MDN1: variants seen among roughly 807,000 people sequenced by gnomAD.
The protein encoded by MDN1 is midasin AAA ATPase 1, also known as midasin.
MDN1 carries 266 observed loss-of-function variants against 669.2 expected under a neutral mutation model. That is an observed-to-expected ratio of 0.40 (90% CI 0.36 to 0.44). MDN1 has a LOEUF of 0.44. MDN1 is among the 20% of genes least tolerant of loss of function. The probability of loss-of-function intolerance (pLI) is 1.00; values close to 1 mark genes in which losing one functional copy is unlikely to be tolerated. For missense variants in MDN1, 5,940 were observed against 6,754.0 expected (o/e 0.88, Z 4.22); for synonymous variants, 2,385 against 2,457.1 (o/e 0.97, Z 0.87).
At chr6:89,764,996 C>T (rs947374933) in intron 15 of MDN1, among the ~76,000 whole-genome samples, 5 of 152,172 alleles carry the variant, frequency 3.3e-5, no homozygotes, top group African/African-American at 9.7e-5. Flanking sequence ...CGGTGGCTCA[C>T]GCGGTGGCCC....
intron 59 of MDN1, among the ~76,000 whole-genome samples, chr6:89,697,057 AGGGATCC>A (rs1233034677): frequency 1.3e-5 from 2 of 152,226 alleles, no homozygotes; most frequent in African/African-American, 4.8e-5. Context: ...TACAACCCTC[AGGGATCC>A]AAAGTTTATC....
At chr6:89,796,324 CAAA>C (rs35169575) in intron 2 of MDN1, among the ~76,000 whole-genome samples, 1 of 45,376 alleles carries the variant, frequency 2.2e-5, no homozygotes, top group African/African-American at 1.5e-4. Context: ...AACTCTGTCT[CAAA>C]AAAAAAAAAA....
At chr6:89,764,106 C>G (rs1817688244) in intron 15 of MDN1, among the ~76,000 whole-genome samples, 1 of 152,162 alleles carries the variant, frequency 6.6e-6, no homozygotes, top group Admixed American at 6.5e-5. Flanking sequence ...GTCTCAGCTA[C>G]TTGGGAGGCT....
At chr6:89,806,778 T>C (rs1768054252) in intron 1 of MDN1, among the ~76,000 whole-genome samples, 1 of 151,750 alleles carries the variant, frequency 6.6e-6, no homozygotes, top group Admixed American at 6.6e-5. Flanking sequence ...TTTAATTAGC[T>C]GGTGACGGTG....
At position 89,652,183 on chromosome 6, in the gene MDN1, G is replaced by C. The variant is rs765953042; in HGVS notation, c.15915+9C>G. On this transcript the variant is annotated intron_variant, in intron 95 of 101. Coordinates refer to ENST00000369393, the MANE Select transcript of MDN1 (RefSeq NM_014611.3). The stretch of plus-strand genomic sequence containing the variant: ...TATTTTATGAAAAAAACAGTGAGCA[G>C]TGACTTACCTCCTCTGGGTTTCCAG... 5.6e-6 allele frequency: 9 copies of C among 1,610,284 alleles called. No individual in the cohort carries two copies. In the East Asian group the frequency reaches 1.6e-4, roughly 28 times the overall value.
At chr6:89,728,370 T>A (rs947944353) in intron 36 of MDN1, among the ~76,000 whole-genome samples, 10 of 152,228 alleles carry the variant, frequency 6.6e-5, no homozygotes, top group African/African-American at 2.4e-4. Context: ...AAAAATTAAC[T>A]GGGGTTATAT....
At chr6:89,771,525 C>T (rs544353598) in intron 15 of MDN1, 36 bp downstream of exon 15, 1 of 1,565,030 alleles carries the variant, frequency 6.4e-7, no homozygotes, top group East Asian at 2.2e-5. Context: ...AAGCAATAAA[C>T]ACAAAAATAA....
At position 89,775,677 on chromosome 6, in the gene MDN1, T is replaced by G. The variant is rs116862278; in HGVS notation, c.1821+923A>C. 6.1e-3 allele frequency among the ~76,000 whole-genome samples: 932 copies of G among 152,250 alleles called. 3 individuals are homozygous for G. The highest frequency in any genetic ancestry group is 6.6e-3 in the Non-Finnish European group (451 of 68,012). On this transcript the variant is annotated intron_variant, in intron 12 of 101. Transcript: ENST00000369393. ...TGCTACTACTCTTTGCAACTTTTTT[T>G]TTTGTTTGTTTGGTTGGTTTTTATC...
At position 89,700,212 on chromosome 6, in the gene MDN1, A is replaced by G. The variant is rs1190286452; in HGVS notation, c.8721T>C (p.His2907=). Residue 2907 remains histidine (H), a synonymous_variant, in exon 57 of 102, where the codon CAT becomes CAC. Transcript: ENST00000369393. ...GLSLGFLEKK[H]DEASSLSHPD... ...GATGGGACAGGGAGGAAGCTTCATC[A>G]TGCTTTTTCTCCAGAAAACCAAGTG... 3 of 1,614,112 alleles carry G rather than the reference A, an allele frequency of 1.9e-6. No homozygotes were observed. Among genetic ancestry groups the G allele is most frequent in the Middle Eastern group, 1.6e-4 (1 of 6,084 alleles).
At chr6:89,674,718 C>T (rs1378189779) in intron 78 of MDN1, 129 bp from the exon 79 acceptor site, 1 of 1,284,186 alleles carries the variant, frequency 7.8e-7, no homozygotes, top group African/African-American at 1.5e-5. Flanking sequence ...AGGAAGAATC[C>T]CCCAGATAGG....
intron 33 of MDN1, among the ~76,000 whole-genome samples, chr6:89,736,074 T>C (rs184127134): frequency 6.6e-6 from 1 of 152,366 alleles, no homozygotes; most frequent in Admixed American, 6.5e-5. Flanking sequence ...TCTAGTTTCC[T>C]GTTTTATATT....
In MDN1 at chr6:89,796,490, TA is replaced by T. The variant is rs370907139; in HGVS notation, c.330-1690del. 2.3e-3 allele frequency among the ~76,000 whole-genome samples: 347 copies of T among 152,212 alleles called. 1 individual carries two copies. Among genetic ancestry groups the T allele is most frequent in the African/African-American group, 8.1e-3 (335 of 41,526 alleles). On this transcript the variant is annotated intron_variant, in intron 2 of 101. Coordinates refer to ENST00000369393, the MANE Select transcript of MDN1 (RefSeq NM_014611.3). Reference sequence around the variant, plus strand: ...AGCCCAGACTGCACTAGAGAAAAGCTAGATGATTACACTAGGGAATTCTACC... The same window carrying T: ...AGCCCAGACTGCACTAGAGAAAAGCTGATGATTACACTAGGGAATTCTACC...
chr6:89,800,705 C>T (rs1158878889), intron 2 of MDN1, among the ~76,000 whole-genome samples: 1 of 152,056 alleles, frequency 6.6e-6, no homozygotes, highest in Non-Finnish European at 1.5e-5. Context: ...TCAAGGAAGT[C>T]TCTGATTGAT....
intron 2 of MDN1, among the ~76,000 whole-genome samples, chr6:89,795,167 T>A (rs1281584302): frequency 6.6e-6 from 1 of 152,180 alleles, no homozygotes; most frequent in Non-Finnish European, 1.5e-5. Flanking sequence ...TTAATGTAAG[T>A]GTTTACAACG....
chr6:89,797,673 C>A, intron 2 of MDN1: 1 of 479,332 alleles, frequency 2.1e-6, no homozygotes, highest in South Asian at 1.6e-5. Flanking sequence ...ACAAGTTTTT[C>A]AAAGTCTACC....
intron 99 of MDN1, among the ~76,000 whole-genome samples, chr6:89,647,186 C>A (rs1018221995): frequency 6.6e-6 from 1 of 152,140 alleles, no homozygotes; most frequent in African/African-American, 2.4e-5. Flanking sequence ...TTCCCTGGGG[C>A]ATAAGAAATC....
chr6:89,700,442 A>T, intron 56 of MDN1, 148 bp from the exon 57 acceptor site: 1 of 768,934 alleles, frequency 1.3e-6, no homozygotes, highest in Non-Finnish European at 2.1e-6. Flanking sequence ...CTCATCTGTG[A>T]AATGATATTA....
chr6:89,800,254 C>A (rs984714923), intron 2 of MDN1, among the ~76,000 whole-genome samples: 5 of 151,970 alleles, frequency 3.3e-5, no homozygotes, highest in African/African-American at 4.8e-5. Context: ...ATGGAGAAAC[C>A]CCGTCTCTAC....
rs867839569 is a variant in MDN1, at chr6:89,780,900, C to T, written c.1643+499G>A. On this transcript the variant is annotated intron_variant, in intron 10 of 101. Transcript: ENST00000369393. ...TCCTGATCTCATGATCCGCCCACCT[C>T]GGCCTCCCAAAGTGCTGGGATTACA... Among the ~76,000 whole-genome samples, 70 of 151,584 alleles carry T rather than the reference C, an allele frequency of 4.6e-4. 1 individual carries two copies. The highest frequency in any genetic ancestry group is 2.6e-4 in the Non-Finnish European group (18 of 67,934).
Sources: gnomAD v4.1 joint callset for allele counts (sites outside exome capture counted in the v4.1 genomes callset) on GRCh38, gnomAD v4.1.1 for gene constraint, MANE v1.5 for transcripts, NCBI Gene and HGNC (gene_info 2026-07-23, HGNC 2026-07-21) for gene names.